RFWD3: variants seen among roughly 807,000 people sequenced by gnomAD.
The protein encoded by RFWD3 is E3 ubiquitin-protein ligase RFWD3.
RFWD3 carries 65 observed loss-of-function variants against 87.7 expected under a neutral mutation model. The ratio of observed to expected loss-of-function variants is 0.74; its 90% CI spans 0.61 to 0.91. The LOEUF is 0.91. Among genes scored for constraint, RFWD3 ranks in the 40% least tolerant of loss-of-function variants. The probability of loss-of-function intolerance (pLI) is 0.00; values close to 1 mark genes in which losing one functional copy is unlikely to be tolerated. For missense variants in RFWD3, 1,078 were observed against 938.5 expected, an observed-to-expected ratio of 1.15 and a Z score of -1.94; for synonymous variants, 433 against 352.8, an observed-to-expected ratio of 1.23 and a Z score of -2.55.
intron 10 of RFWD3, among the ~76,000 whole-genome samples, chr16:74,628,999 G>GTCT (rs1021585713): frequency 6.6e-6 from 1 of 150,878 alleles, no homozygotes; most frequent in East Asian, 1.9e-4. Context: ...CATAAGAAAA[G>GTCT]TCAGAAAAGA....
Position 74,662,374 on chromosome 16 carries a change from T to C in RFWD3, c.-2-923A>G, listed in dbSNP as rs372511584. ...TATGAGGAAATGGGGGTTCAACTAATAGTTATTAAGCACCTGTTATGCAGA... is the reference window on the plus strand; with the variant it reads ...TATGAGGAAATGGGGGTTCAACTAACAGTTATTAAGCACCTGTTATGCAGA... On this transcript the variant is annotated intron_variant, in intron 1 of 12. Transcript: ENST00000361070. 4.6e-5 allele frequency among the ~76,000 whole-genome samples: 7 copies of C among 152,262 alleles called. 1 individual carries two copies. The East Asian group carries it at 7.7e-4, about 17-fold the overall frequency.
chr16:74,651,886 G>T, intron 3 of RFWD3, 34 bp downstream of exon 3: 1 of 1,589,396 alleles, frequency 6.3e-7, no homozygotes. Context: ...ATGGATGTTA[G>T]CCTTGTGAGT....
intron 2 of RFWD3, among the ~76,000 whole-genome samples, chr16:74,659,422 A>G (rs2144338231): frequency 6.6e-6 from 1 of 152,256 alleles, no homozygotes; most frequent in Admixed American, 6.5e-5. Flanking sequence ...TAACGTGAGT[A>G]ATGACATCTT....
In RFWD3 at chr16:74,660,966, T is replaced by A; in HGVS notation, c.484A>T (p.Arg162Ter). ...RRRVSASRRA[R>*]AGGSQRTDSA... ...TCTGTCCTCTGAGACCCTCCGGCTC[T>A]TGCCCTCCGTGAAGCAGATACCCTC... The change falls in exon 2 of 13, where the codon AGA (arginine) becomes TGA (stop). Residue 162 changes from arginine to a stop codon, truncating the protein, a stop_gained. Coordinates refer to ENST00000361070, the MANE Select transcript of RFWD3 (RefSeq NM_018124.4). LOFTEE classifies it high-confidence loss of function. The A allele has an allele frequency of 6.2e-7, 1 of 1,614,098 alleles. No homozygotes were observed. Among genetic ancestry groups the A allele is most frequent in the Non-Finnish European group, 8.5e-7 (1 of 1,179,960 alleles).
intron 4 of RFWD3, among the ~76,000 whole-genome samples, chr16:74,645,278 G>A (rs1960031706): frequency 6.6e-6 from 1 of 152,260 alleles, no homozygotes. Flanking sequence ...AGCACCATTT[G>A]GCATTATCCA....
intron 4 of RFWD3, among the ~76,000 whole-genome samples, chr16:74,645,502 G>A (rs1190780466): frequency 6.6e-6 from 1 of 152,178 alleles, no homozygotes; most frequent in Non-Finnish European, 1.5e-5. Context: ...TGTATAGGAT[G>A]TTACTGTACC....
intron 10 of RFWD3, among the ~76,000 whole-genome samples, chr16:74,629,618 C>T (rs1229578232): frequency 6.6e-6 from 1 of 151,462 alleles, no homozygotes; most frequent in Admixed American, 6.6e-5. Context: ...CAGAGTGAGA[C>T]ACCATCTTAA....
intron 6 of RFWD3, among the ~76,000 whole-genome samples, chr16:74,641,441 G>A (rs1012028123): frequency 4.1e-5 from 6 of 144,760 alleles, no homozygotes; most frequent in Non-Finnish European, 9.0e-5. Context: ...GGGATTATAG[G>A]TGTGAGCCAC....
At chr16:74,633,626 C>G (rs1026069263) in intron 8 of RFWD3, among the ~76,000 whole-genome samples, 1 of 152,012 alleles carries the variant, frequency 6.6e-6, no homozygotes, top group Admixed American at 6.6e-5. Context: ...GTGAGATTAT[C>G]AAAGGCCATA....
At position 74,630,790 on chromosome 16, in the gene RFWD3, T is replaced by C. The variant is rs1400169999; in HGVS notation, c.1745A>G (p.Gln582Arg). The C allele has an allele frequency of 6.3e-7, 1 of 1,598,836 alleles. No individual in the cohort carries two copies. Among genetic ancestry groups the C allele is most frequent in the Non-Finnish European group, 8.5e-7 (1 of 1,174,048 alleles). The change falls in exon 10 of 13, where the codon CAG becomes CGG. Residue 582 changes from glutamine (Q) to arginine (R), a missense_variant. Gln to Arg is a conservative substitution (Grantham distance 43). Transcript: ENST00000361070. ...GTGAGTGGCTCCCTACCTGGCTTTC[T>C]GAGCTACTAACTCCTGCACATGACT... ...TSSHVQELVA[Q>R]KARCPLVSLS...
intron 8 of RFWD3, among the ~76,000 whole-genome samples, chr16:74,633,777 C>G (rs1164694735): frequency 1.3e-5 from 2 of 151,994 alleles, no homozygotes; most frequent in African/African-American, 4.8e-5. Flanking sequence ...TGGTGAAACC[C>G]TGTTGCTACA....
Position 74,661,130 on chromosome 16 carries a change from T to A in RFWD3, c.320A>T (p.Asp107Val), listed in dbSNP as rs771022616. Residue 107 changes from aspartate (D) to valine (V), a missense_variant, in exon 2 of 13, where the codon GAT becomes GTT. Asp to Val is a radical substitution (Grantham distance 152, BLOSUM62 -3). Coordinates refer to ENST00000361070, the MANE Select transcript of RFWD3 (RefSeq NM_018124.4). ...RTSEQHRQGSDGNHTIPASSL... is the reference protein window; with the variant it reads ...RTSEQHRQGSVGNHTIPASSL... Reference sequence around the variant, plus strand: ...AGATGCTGGGATGGTGTGATTACCATCAGATCCCTGCCTATGTTGTTCTGA... The same window carrying A: ...AGATGCTGGGATGGTGTGATTACCAACAGATCCCTGCCTATGTTGTTCTGA... 6.2e-7 allele frequency: 1 copy of A among 1,614,066 alleles called. No homozygotes were observed. The highest frequency in any genetic ancestry group is 1.3e-5 in the African/African-American group (1 of 74,938).
intron 3 of RFWD3, among the ~76,000 whole-genome samples, chr16:74,649,853 C>G (rs1960438120): frequency 6.6e-6 from 1 of 152,094 alleles, no homozygotes; most frequent in South Asian, 2.1e-4. Flanking sequence ...TTTGTCAGGT[C>G]ATTTGTCTAA....
At position 74,636,080 on chromosome 16, in the gene RFWD3, A is replaced by G. The variant is rs555679626; in HGVS notation, c.1426+266T>C. Among the ~76,000 whole-genome samples the G allele has an allele frequency of 1.1e-4, 16 of 152,346 alleles. No individual in the cohort carries two copies. In the South Asian group the frequency reaches 1.2e-3, roughly 12 times the overall value. ...AGGACATATAAGTCCTTCTTGGACT[A>G]TATCAGTAACCTACACTTCCAAGGA... is the stretch of plus-strand genomic sequence containing the variant. On this transcript the variant is annotated intron_variant, in intron 8 of 12. Transcript: ENST00000361070.
At chr16:74,635,403 G>A (rs930451149) in intron 8 of RFWD3, among the ~76,000 whole-genome samples, 2 of 152,060 alleles carry the variant, frequency 1.3e-5, no homozygotes, top group Non-Finnish European at 2.9e-5. Flanking sequence ...GGAGGCAGAG[G>A]TTGCAGTGAG....
At chr16:74,640,338 G>A (rs971339154) in intron 6 of RFWD3, among the ~76,000 whole-genome samples, 1 of 151,684 alleles carries the variant, frequency 6.6e-6, no homozygotes, top group South Asian at 2.1e-4. Context: ...TAGAGACACG[G>A]TTTCATCATG....
Position 74,632,657 on chromosome 16 carries a change from C to T in RFWD3, c.1443G>A (p.Met481Ile), listed in dbSNP as rs897274964. The T allele has an allele frequency of 3.1e-6, 5 of 1,614,036 alleles. No individual in the cohort carries two copies. The African/African-American group carries it at 5.3e-5, about 17-fold the overall frequency. The change falls in exon 9 of 13, where the codon ATG becomes ATA. Residue 481 changes from methionine to isoleucine, a missense_variant. By Grantham distance (10) the Met-to-Ile change is conservative. Transcript: ENST00000361070. ...ASFLPGFGVK[M>I]LSTANMKSSQ... ...TGCTCTTCATGTTGGCAGTACTCAA[C>T]ATCTTAACACCAAAGCCTGAAAAAG... is the stretch of plus-strand genomic sequence containing the variant.
intron 4 of RFWD3, among the ~76,000 whole-genome samples, chr16:74,645,474 A>C (rs1960047929): frequency 6.6e-6 from 1 of 152,220 alleles, no homozygotes; most frequent in Non-Finnish European, 1.5e-5. Flanking sequence ...AAACTATTAC[A>C]TACTTAGACA....
intron 2 of RFWD3, among the ~76,000 whole-genome samples, chr16:74,653,970 G>A (rs1960769513): frequency 6.6e-6 from 1 of 151,906 alleles, no homozygotes; most frequent in Admixed American, 6.6e-5. Flanking sequence ...TTCTTTTTTG[G>A]AAATTGAGAT....
Sources: gnomAD v4.1 joint callset for allele counts (sites outside exome capture counted in the v4.1 genomes callset) on GRCh38, gnomAD v4.1.1 for gene constraint, MANE v1.5 for transcripts, NCBI Gene and HGNC (gene_info 2026-07-23, HGNC 2026-07-21) for gene names.